The following TNR variants were observed in gnomAD, a reference collection of about 807,000 sequenced individuals.
The protein encoded by TNR is tenascin-R.
A neutral mutation model predicts 150.4 loss-of-function variants in TNR; 45 were observed. The ratio of observed to expected loss-of-function variants is 0.30; its 90% CI spans 0.24 to 0.38. The LOEUF is 0.38. TNR is among the 10% of genes least tolerant of loss of function. The pLI is 1.00. For missense variants in TNR, 1,544 were observed against 1,759.1 expected, an observed-to-expected ratio of 0.88 and a Z score of 2.19; for synonymous variants, 687 against 678.4, an observed-to-expected ratio of 1.01 and a Z score of -0.20.
At chr1:175,631,684 G>C (rs1277400849) in intron 1 of TNR, among the ~76,000 whole-genome samples, 1 of 152,096 alleles carries the variant, frequency 6.6e-6, no homozygotes, top group East Asian at 1.9e-4. Context: ...ATATGCATGT[G>C]TATGAGTGTG....
At chr1:175,367,351 A>G in intron 9 of TNR, 54 bp from the exon 10 acceptor site, 5 of 1,499,088 alleles carry the variant, frequency 3.3e-6, no homozygotes, top group Non-Finnish European at 1.9e-6. Context: ...AGGGCTAGGA[A>G]GGCTGAAAGT....
Position 175,403,166 on chromosome 1 carries a change from C to T in TNR, c.950G>A (p.Gly317Asp). 6.2e-7 allele frequency: 1 copy of T among 1,613,738 alleles called. No homozygotes were observed. The highest frequency in any genetic ancestry group is 1.7e-4 in the Middle Eastern group (1 of 6,058). ...TGCTGAGCAGTCAGGGCCCTGGTAG[C>T]CCTCTTCACAGACGCAGAGCCCCTC... ...CEEGLCVCEE[G>D]YQGPDCSAVA... The change falls in exon 4 of 23, where the codon GGC (glycine) becomes GAC (aspartate). Residue 317 changes from glycine (G) to aspartate (D), a missense_variant. Around this residue, in one of 2 missense-constraint regions of TNR, gnomAD observed 1,254 missense variants for 1,329.4 expected, o/e 0.94. Transcript: ENST00000367674.
chr1:175,368,911 T>C (rs933039780), intron 9 of TNR, among the ~76,000 whole-genome samples: 1 of 152,128 alleles, frequency 6.6e-6, no homozygotes, highest in Non-Finnish European at 1.5e-5. Flanking sequence ...ATCATGCCAC[T>C]GCACTCCAGC....
rs374052801 is a variant in TNR at position 175,521,615 on chromosome 1, T to C, written c.-64+6654A>G. ...CATCAACATCCTCAGAAACCTTTTC[T>C]GTTTTCTCTTCTCTTTCATCTCCTC... On this transcript the variant is annotated intron_variant, in intron 2 of 22. Coordinates refer to ENST00000367674, the MANE Select transcript of TNR (RefSeq NM_003285.3). Among the ~76,000 whole-genome samples, 13 of 152,378 alleles carry C rather than the reference T, an allele frequency of 8.5e-5. No homozygotes were observed. The East Asian group carries it at 2.3e-3, about 27-fold the overall frequency.
Position 175,684,086 on chromosome 1 carries a change from T to C in TNR, c.-165+59140A>G, listed in dbSNP as rs372039888. Among the ~76,000 whole-genome samples the C allele has an allele frequency of 3.3e-5, 5 of 152,308 alleles. No individual in the cohort carries two copies. The East Asian group carries it at 5.8e-4, about 18-fold the overall frequency. On this transcript the variant is annotated intron_variant, in intron 1 of 22. Coordinates refer to ENST00000367674, the MANE Select transcript of TNR (RefSeq NM_003285.3). ...GCTGCACTATTAGGGAGAATGTCCT[T>C]GTGGAACCTCTGTGCTGGGTGTGTG...
At chr1:175,621,948 T>C (rs1490951392) in intron 1 of TNR, among the ~76,000 whole-genome samples, 1 of 152,236 alleles carries the variant, frequency 6.6e-6, no homozygotes, top group Non-Finnish European at 1.5e-5. Context: ...TGAAACACTT[T>C]TGCAAGTTAT....
chr1:175,536,793 C>T (rs569413511), intron 1 of TNR, among the ~76,000 whole-genome samples: 56 of 152,208 alleles, frequency 3.7e-4, no homozygotes, highest in Admixed American at 1.0e-3. Context: ...AGGAATTCTA[C>T]TTCTCTGAGC....
intron 1 of TNR, among the ~76,000 whole-genome samples, chr1:175,659,522 C>T (rs901357554): frequency 3.3e-5 from 5 of 152,124 alleles, no homozygotes; most frequent in Non-Finnish European, 7.4e-5. Context: ...CACCAAACAC[C>T]TCCCTTCTTC....
At chr1:175,510,220 C>A (rs1423597733) in intron 2 of TNR, among the ~76,000 whole-genome samples, 2 of 152,118 alleles carry the variant, frequency 1.3e-5, no homozygotes, top group Admixed American at 1.3e-4. Context: ...CAGAGCAAGA[C>A]CCTGTCTTGA....
chr1:175,370,492 G>A (rs1021117945), intron 9 of TNR, among the ~76,000 whole-genome samples: 4 of 151,918 alleles, frequency 2.6e-5, no homozygotes, highest in Admixed American at 6.6e-5. Flanking sequence ...TTGGAAACCA[G>A]TGATTCAGGG....
chr1:175,659,505 G>T (rs1665295946), intron 1 of TNR, among the ~76,000 whole-genome samples: 1 of 152,126 alleles, frequency 6.6e-6, no homozygotes, highest in African/African-American at 2.4e-5. Flanking sequence ...GCTTGTGTGT[G>T]TTGGTGCACC....
chr1:175,428,522 A>C (rs1035576094), intron 2 of TNR, among the ~76,000 whole-genome samples: 1 of 152,214 alleles, frequency 6.6e-6, no homozygotes, highest in Non-Finnish European at 1.5e-5. Flanking sequence ...CAACCCTGGA[A>C]GTCGAAGTTA....
At chr1:175,573,795 A>C (rs1661985161) in intron 1 of TNR, among the ~76,000 whole-genome samples, 1 of 152,152 alleles carries the variant, frequency 6.6e-6, no homozygotes, top group African/African-American at 2.4e-5. Flanking sequence ...ACAGATGGTG[A>C]GCTTGGCAGA....
intron 1 of TNR, among the ~76,000 whole-genome samples, chr1:175,593,514 A>C (rs1041434789): frequency 6.6e-6 from 1 of 152,184 alleles, no homozygotes; most frequent in Non-Finnish European, 1.5e-5. Flanking sequence ...ATTCCTGTAC[A>C]AATAGAATCT....
chr1:175,354,620 G>A lies in TNR; in HGVS notation c.3250-97C>T, dbSNP rs986002208. On this transcript the variant is annotated intron_variant, in intron 17 of 22. Coordinates refer to ENST00000367674, the MANE Select transcript of TNR (RefSeq NM_003285.3). ...AAGTCCAAATCCCATGGGCAGCTAG[G>A]TCAGTATTGCAATGGCCATTGTCAT... The A allele has an allele frequency of 2.6e-6, 4 of 1,519,968 alleles. No individual in the cohort carries two copies. In the African/African-American group the frequency reaches 5.5e-5, roughly 21 times the overall value. The allele number at this position is 1,519,968 out of a possible 1,614,324, so 94.2% of individuals were successfully genotyped here.
rs148567170 is a variant in TNR at position 175,330,175 on chromosome 1, C to T, written c.3692G>A (p.Arg1231Gln). 49 of 1,613,332 alleles carry T rather than the reference C, an allele frequency of 3.0e-5. No homozygotes were observed. Among genetic ancestry groups the T allele is most frequent in the East Asian group, 1.3e-4 (6 of 44,854 alleles). ...QGRYELRVDM[R>Q]DGQEAAFASY... is the part of the protein sequence containing the mutation. Reference sequence around the variant, plus strand: ...GGCGAAGGCGGCCTCTTGGCCATCCCGCATGTCCACGCGCAGCTCATAGCG... The same window carrying T: ...GGCGAAGGCGGCCTCTTGGCCATCCTGCATGTCCACGCGCAGCTCATAGCG... Residue 1231 changes from arginine to glutamine, a missense_variant, in exon 21 of 23, where the codon CGG (arginine) becomes CAG (glutamine). Around this residue, in one of 2 missense-constraint regions of TNR, gnomAD observed 290 missense variants for 429.7 expected, o/e 0.67. Coordinates refer to ENST00000367674, the MANE Select transcript of TNR (RefSeq NM_003285.3).
chr1:175,610,018 G>C (rs1663541173), intron 1 of TNR, among the ~76,000 whole-genome samples: 1 of 152,204 alleles, frequency 6.6e-6, no homozygotes, highest in Non-Finnish European at 1.5e-5. Flanking sequence ...TAATTAGAAA[G>C]AAAGATAGGA....
chr1:175,659,430 T>A (rs1483448003), intron 1 of TNR, among the ~76,000 whole-genome samples: 1 of 152,094 alleles, frequency 6.6e-6, no homozygotes, highest in African/African-American at 2.4e-5. Flanking sequence ...TGGGAGGAGA[T>A]CCTCTCCCAG....
intron 1 of TNR, among the ~76,000 whole-genome samples, chr1:175,696,768 A>C (rs1037025856): frequency 2.0e-5 from 3 of 151,918 alleles, no homozygotes; most frequent in African/African-American, 7.3e-5. Flanking sequence ...AATCCCAGCT[A>C]CTCAGGAGGC....
Sources: gnomAD v4.1 joint callset for allele counts (sites outside exome capture counted in the v4.1 genomes callset) on GRCh38, gnomAD v4.1.1 for gene constraint, gnomAD v4.1.1 regional missense constraint, MANE v1.5 for transcripts, NCBI Gene and HGNC (gene_info 2026-07-23, HGNC 2026-07-21) for gene names.